RALGPS1: variants seen among roughly 807,000 people sequenced by gnomAD.
RALGPS1 encodes the protein ras-specific guanine nucleotide-releasing factor RalGPS1.
RALGPS1 carries 19 observed loss-of-function variants against 78.8 expected under a neutral mutation model. The ratio of observed to expected loss-of-function variants is 0.24; its 90% confidence interval spans 0.17 to 0.35. The LOEUF (loss-of-function observed/expected upper bound fraction) is 0.35, where lower values mean the gene tolerates loss of function less well. Ranked by LOEUF, RALGPS1 falls within the 10% of genes least tolerant of loss-of-function variation. RALGPS1 has a pLI of 1.00. For missense variants in RALGPS1, 454 were observed against 688.3 expected, an observed-to-expected ratio of 0.66 and a Z score of 3.81; for synonymous variants, 228 against 256.3, an observed-to-expected ratio of 0.89 and a Z score of 1.06.
chr9:126,954,053 T>C (rs2038116515), intron 1 of RALGPS1, among the ~76,000 whole-genome samples: 1 of 152,148 alleles, frequency 6.6e-6, no homozygotes, highest in Non-Finnish European at 1.5e-5. Flanking sequence ...ACTTGGAGCC[T>C]CTCATTCATC....
At chr9:127,141,540 T>C (rs1389451138) in intron 8 of RALGPS1, among the ~76,000 whole-genome samples, 2 of 147,268 alleles carry the variant, frequency 1.4e-5, no homozygotes, top group Admixed American at 7.0e-5. Flanking sequence ...TCCCAGACTT[T>C]GGATTTCATG....
intron 4 of RALGPS1, among the ~76,000 whole-genome samples, chr9:127,016,374 G>A (rs894057846): frequency 1.3e-5 from 2 of 152,190 alleles, no homozygotes; most frequent in African/African-American, 4.8e-5. Flanking sequence ...GGAGAGCTGG[G>A]AGGATCTCAA....
At chr9:127,167,546 G>A (rs925801432) in intron 9 of RALGPS1, among the ~76,000 whole-genome samples, 1 of 152,212 alleles carries the variant, frequency 6.6e-6, no homozygotes, top group Non-Finnish European at 1.5e-5. Context: ...AGAGCCCTTA[G>A]CACAGTCCCT....
chr9:126,916,094 T>G (rs892281697), intron 1 of RALGPS1, among the ~76,000 whole-genome samples: 4 of 152,224 alleles, frequency 2.6e-5, no homozygotes, highest in Non-Finnish European at 5.9e-5. Context: ...AAACAGTGCC[T>G]ACTGAGCAAA....
chr9:127,022,973 A>T (rs1261945506), intron 4 of RALGPS1, among the ~76,000 whole-genome samples: 1 of 152,244 alleles, frequency 6.6e-6, no homozygotes. Flanking sequence ...TTCCTAAAAC[A>T]TACTTTAATT....
At chr9:127,020,424 G>A (rs1207711285) in intron 4 of RALGPS1, among the ~76,000 whole-genome samples, 1 of 152,208 alleles carries the variant, frequency 6.6e-6, no homozygotes, top group Non-Finnish European at 1.5e-5. Context: ...ACTGTGCTGA[G>A]ACACATGAAT....
chr9:127,041,063 G>GTGTGTGTGTGTGTGTGTGTGTA (rs1004091757), intron 5 of RALGPS1, among the ~76,000 whole-genome samples: 2 of 151,200 alleles, frequency 1.3e-5, no homozygotes, highest in East Asian at 3.9e-4. Context: ...GTGTGTGTGT[G>GTGTGTGTGTGTGTGTGTGTGTA]TGTATGTACT....
At chr9:126,972,666 C>T (rs2040231143) in intron 3 of RALGPS1, among the ~76,000 whole-genome samples, 2 of 152,288 alleles carry the variant, frequency 1.3e-5, no homozygotes, top group South Asian at 2.1e-4. Context: ...AACACATTGA[C>T]CTGTTCCATA....
At chr9:127,201,156 T>G (rs2061610940) in intron 14 of RALGPS1, among the ~76,000 whole-genome samples, 1 of 152,236 alleles carries the variant, frequency 6.6e-6, no homozygotes, top group Non-Finnish European at 1.5e-5. Context: ...CCACAGCATT[T>G]CATAGCATTT....
intron 3 of RALGPS1, among the ~76,000 whole-genome samples, chr9:126,973,259 T>G (rs1019805447): frequency 2.0e-5 from 3 of 152,106 alleles, no homozygotes; most frequent in Admixed American, 6.5e-5. Context: ...TTGTAGCTTC[T>G]CAGGAGGCTG....
At chr9:127,108,818 ACCACTGTCAGTG>A (rs1564596429) in intron 8 of RALGPS1, 2 of 1,377,084 alleles carry the variant, frequency 1.5e-6, no homozygotes, top group African/African-American at 2.9e-5. Context: ...TGATGGTCCC[ACCACTGTCAGTG>A]CCCTGTGCCA....
chr9:127,100,787 G>A (rs553085171), intron 8 of RALGPS1, among the ~76,000 whole-genome samples: 4 of 152,348 alleles, frequency 2.6e-5, no homozygotes, highest in African/African-American at 9.6e-5. Flanking sequence ...TAGTTGGCGA[G>A]TGTATTAACC....
At chr9:127,176,431 G>A (rs754318636) in intron 11 of RALGPS1, among the ~76,000 whole-genome samples, 2 of 152,188 alleles carry the variant, frequency 1.3e-5, no homozygotes, top group Non-Finnish European at 2.9e-5. Flanking sequence ...GAGCAGGGCA[G>A]GGTTCCTATC....
At chr9:126,953,389 G>A (rs1202200155) in intron 1 of RALGPS1, among the ~76,000 whole-genome samples, 2 of 151,976 alleles carry the variant, frequency 1.3e-5, no homozygotes, top group African/African-American at 4.8e-5. Flanking sequence ...GTGTGTGTGT[G>A]TGCGCGTGTG....
chr9:127,196,389 C>T (rs1411793498), intron 12 of RALGPS1, 85 bp from the exon 13 acceptor site: 2 of 1,482,858 alleles, frequency 1.3e-6, no homozygotes, highest in Non-Finnish European at 1.8e-6. Context: ...GCAGCTGCAC[C>T]ATCTGCTCCG....
At chr9:126,997,886 C>A (rs1389195390) in intron 4 of RALGPS1, among the ~76,000 whole-genome samples, 1 of 152,190 alleles carries the variant, frequency 6.6e-6, no homozygotes, top group Non-Finnish European at 1.5e-5. Flanking sequence ...ACTATCTGAT[C>A]TTTGACAAAC....
At position 127,006,444 on chromosome 9, in the gene RALGPS1, G is replaced by A. The variant is rs182656895; in HGVS notation, c.217-27987G>A. ...TTTAGTATACCACTGCCTTCCTTTG[G>A]GAGTCTGGGTTTTCAAGCATTTGTT... On this transcript the variant is annotated intron_variant, in intron 4 of 18. Coordinates refer to ENST00000259351, the MANE Select transcript of RALGPS1 (RefSeq NM_014636.3). Among the ~76,000 whole-genome samples, 4 of 152,230 alleles carry A rather than the reference G, an allele frequency of 2.6e-5. No homozygotes were observed. The East Asian group carries it at 5.8e-4, about 22-fold the overall frequency.
chr9:127,128,533 C>G (rs960725640), intron 8 of RALGPS1, among the ~76,000 whole-genome samples: 1 of 152,202 alleles, frequency 6.6e-6, no homozygotes, highest in Non-Finnish European at 1.5e-5. Context: ...AAAGGCAGAG[C>G]CCCTCCTCTC....
intron 8 of RALGPS1, chr9:127,088,288 G>T (rs2052016046): frequency 6.6e-6 from 1 of 152,222 alleles, no homozygotes; most frequent in Non-Finnish European, 1.5e-5. Flanking sequence ...GGTGCCAAAA[G>T]GGGTTCTTAA....
Sources: allele counts gnomAD v4.1 joint callset (sites outside exome capture counted in the v4.1 genomes callset), GRCh38; gene constraint gnomAD v4.1.1; transcripts MANE v1.5; gene names NCBI Gene and HGNC (gene_info 2026-07-23, HGNC 2026-07-21).